CNTNAP2: variants seen among roughly 807,000 people sequenced by gnomAD.
The protein encoded by CNTNAP2 is contactin-associated protein-like 2.
CNTNAP2 carries 98 observed loss-of-function variants against 155.2 expected under a neutral mutation model. That is an observed-to-expected ratio of 0.63 (90% CI 0.54 to 0.75). CNTNAP2 has a LOEUF of 0.75. Ranked by LOEUF, CNTNAP2 falls within the 30% of genes least tolerant of loss-of-function variation. The pLI is 0.00. For synonymous variants in CNTNAP2, 651 were observed against 631.2 expected (o/e 1.03, Z -0.47); for missense variants, 1,727 against 1,688.1 (o/e 1.02, Z -0.40).
intron 1 of CNTNAP2, among the ~76,000 whole-genome samples, chr7:146,555,495 T>C (rs1798184595): frequency 3.7e-5 from 3 of 81,860 alleles, no homozygotes; most frequent in African/African-American, 1.2e-4. Flanking sequence ...ATCATCTGTC[T>C]GTCTATCTAT....
chr7:147,503,847 C>G (rs1183978035), intron 11 of CNTNAP2, among the ~76,000 whole-genome samples: 3 of 151,938 alleles, frequency 2.0e-5, no homozygotes, highest in Non-Finnish European at 4.4e-5. Context: ...TTTTGCAAAA[C>G]CTAATAGTCT....
At chr7:147,206,340 G>A (rs1194177693) in intron 8 of CNTNAP2, among the ~76,000 whole-genome samples, 3 of 151,294 alleles carry the variant, frequency 2.0e-5, no homozygotes, top group East Asian at 1.9e-4. Flanking sequence ...TGAGGCAGGC[G>A]GATCACTTGA....
intron 13 of CNTNAP2, among the ~76,000 whole-genome samples, chr7:147,891,539 T>C (rs1799694983): frequency 6.6e-6 from 1 of 152,040 alleles, no homozygotes; most frequent in African/African-American, 2.4e-5. Flanking sequence ...ACAAAATCAA[T>C]AAACTTCTGG....
intron 15 of CNTNAP2, among the ~76,000 whole-genome samples, chr7:148,061,976 TA>T (rs1803156532): frequency 1.6e-5 from 2 of 123,612 alleles, no homozygotes; most frequent in African/African-American, 3.3e-5. Flanking sequence ...GATAGATAGA[TA>T]GATAGATAGA....
At chr7:146,168,620 A>G (rs1220957496) in intron 1 of CNTNAP2, among the ~76,000 whole-genome samples, 1 of 152,092 alleles carries the variant, frequency 6.6e-6, no homozygotes, top group Non-Finnish European at 1.5e-5. Flanking sequence ...GCTCACATTT[A>G]CTTGAAAGTC....
rs1445942975 is a variant in CNTNAP2, at chr7:147,251,973, AC to A, written c.1349-48167del. ...TGAGTTTGGGGATTAATAAAAAAAA[AC>A]AGCAAGGAGTAAGAATCTTTGGGAA... On this transcript the variant is annotated intron_variant, in intron 8 of 23. Transcript: ENST00000361727. 9.8e-4 allele frequency among the ~76,000 whole-genome samples: 149 copies of A among 152,316 alleles called. 1 individual carries two copies. The highest frequency in any genetic ancestry group is 3.4e-3 in the African/African-American group (142 of 41,566).
intron 8 of CNTNAP2, among the ~76,000 whole-genome samples, chr7:147,291,412 G>T (rs1048088727): frequency 6.6e-6 from 1 of 151,866 alleles, no homozygotes; most frequent in Non-Finnish European, 1.5e-5. Context: ...CATAAAATAT[G>T]TTATTTTTAT....
chr7:147,078,119 A>AT (rs1323817369), intron 4 of CNTNAP2, among the ~76,000 whole-genome samples: 3 of 152,308 alleles, frequency 2.0e-5, no homozygotes, highest in South Asian at 2.1e-4. Flanking sequence ...ATTGATAGAT[A>AT]TTTTTCATCA....
intron 14 of CNTNAP2, among the ~76,000 whole-genome samples, chr7:147,912,449 C>T (rs1037104403): frequency 3.3e-5 from 5 of 152,182 alleles, no homozygotes; most frequent in African/African-American, 9.7e-5. Flanking sequence ...CTGTCTCAGC[C>T]TGTGACAGTC....
At chr7:146,415,808 G>A (rs901433669) in intron 1 of CNTNAP2, among the ~76,000 whole-genome samples, 1 of 151,972 alleles carries the variant, frequency 6.6e-6, no homozygotes, top group South Asian at 2.1e-4. Context: ...ATTTATATAT[G>A]TAAAATGAGG....
chr7:148,112,325 A>C lies in CNTNAP2; in HGVS notation c.2384-5793A>C, dbSNP rs1428449353. Among the ~76,000 whole-genome samples the C allele has an allele frequency of 9.9e-5, 15 of 152,238 alleles. No homozygotes were observed. In the East Asian group the frequency reaches 2.7e-3, roughly 27 times the overall value. On this transcript the variant is annotated intron_variant, in intron 15 of 23. Coordinates refer to ENST00000361727, the MANE Select transcript of CNTNAP2 (RefSeq NM_014141.6). ...TACATACAACAAAATGCAAGAAAAT[A>C]CAATTTAAAGAAAATACAAGTAGAT... is the stretch of plus-strand genomic sequence containing the variant.
chr7:147,234,401 G>A (rs1302168755), intron 8 of CNTNAP2, among the ~76,000 whole-genome samples: 1 of 145,478 alleles, frequency 6.9e-6, no homozygotes. Context: ...GCAGTGGCGC[G>A]ATCTCGGCTC....
At chr7:146,182,326 T>C (rs1183187123) in intron 1 of CNTNAP2, among the ~76,000 whole-genome samples, 1 of 152,112 alleles carries the variant, frequency 6.6e-6, no homozygotes, top group Non-Finnish European at 1.5e-5. Flanking sequence ...ATTCCCACAG[T>C]AACACTCCTG....
intron 13 of CNTNAP2, among the ~76,000 whole-genome samples, chr7:147,873,705 C>G (rs1252076119): frequency 6.6e-6 from 1 of 152,154 alleles, no homozygotes; most frequent in Non-Finnish European, 1.5e-5. Context: ...GCCAACCATG[C>G]CTTTCCAACG....
In CNTNAP2 at chr7:146,867,099, A is replaced by G. The variant is rs544571224; in HGVS notation, c.402+27195A>G. Among the ~76,000 whole-genome samples the G allele has an allele frequency of 1.2e-3, 180 of 152,192 alleles. 2 individuals are homozygous for G. Among genetic ancestry groups the G allele is most frequent in the South Asian group, 9.8e-3 (47 of 4,818 alleles). The stretch of plus-strand genomic sequence containing the variant: ...CACGTGTCACAGGGGTTTGCTGTAA[A>G]TATTTGATTTCATCACCCAGGTATT... On this transcript the variant is annotated intron_variant, in intron 3 of 23. Coordinates refer to ENST00000361727, the MANE Select transcript of CNTNAP2 (RefSeq NM_014141.6).
intron 1 of CNTNAP2, among the ~76,000 whole-genome samples, chr7:146,700,870 T>A (rs1422067363): frequency 1.3e-5 from 2 of 152,122 alleles, no homozygotes; most frequent in Admixed American, 6.6e-5. Flanking sequence ...CATCAAATAC[T>A]GCAGACTCAA....
chr7:146,902,552 G>T (rs969106282), intron 3 of CNTNAP2, among the ~76,000 whole-genome samples: 1 of 152,158 alleles, frequency 6.6e-6, no homozygotes, highest in African/African-American at 2.4e-5. Flanking sequence ...ACAGTATGCA[G>T]ATGAAAATTT....
At position 148,417,074 on chromosome 7, in the gene CNTNAP2, A is replaced by ATACTT. The variant is rs1554433128; in HGVS notation, c.*1459_*1463dup. ...ATCATCATTATATTTCAAGCCTCTT[A>ATACTT]TACTTAATAAGCACTTTCTAAAAAG... On this transcript the variant is annotated 3_prime_UTR_variant, in exon 24 of 24. Transcript: ENST00000361727. 3.3e-5 allele frequency: 5 copies of ATACTT among 152,160 alleles called. No individual in the cohort carries two copies. Among genetic ancestry groups the ATACTT allele is most frequent in the Non-Finnish European group, 7.3e-5 (5 of 68,046 alleles). The allele number at this position is 152,160 out of a possible 1,614,324, so 9.4% of individuals were successfully genotyped here. A position where few individuals can be genotyped will look rare whatever the true frequency, so the allele number is the denominator to read the frequency against.
At chr7:146,863,276 A>G (rs1184796220) in intron 3 of CNTNAP2, among the ~76,000 whole-genome samples, 1 of 152,158 alleles carries the variant, frequency 6.6e-6, no homozygotes, top group Non-Finnish European at 1.5e-5. Flanking sequence ...ATAAGAAAAT[A>G]GTTTTAAAAA....
Sources: allele counts gnomAD v4.1 joint callset (sites outside exome capture counted in the v4.1 genomes callset), GRCh38; gene constraint gnomAD v4.1.1; transcripts MANE v1.5; gene names NCBI Gene and HGNC (gene_info 2026-07-23, HGNC 2026-07-21).